ANOS1: variants seen among roughly 807,000 people sequenced by gnomAD.
ANOS1 encodes anosmin 1.
ANOS1 carries 6 observed loss-of-function variants against 59.0 expected under a neutral mutation model. The ratio of observed to expected loss-of-function variants is 0.10; its 90% confidence interval spans 0.06 to 0.20. The LOEUF (loss-of-function observed/expected upper bound fraction) is 0.20, where lower values mean the gene tolerates loss of function less well. Among genes scored for constraint, ANOS1 ranks in the 10% least tolerant of loss-of-function variants. The probability of loss-of-function intolerance (pLI) is 1.00; values close to 1 mark genes in which losing one functional copy is unlikely to be tolerated. For synonymous variants in ANOS1, 217 were observed against 223.4 expected (o/e 0.97, Z 0.25); for missense variants, 433 against 542.3 (o/e 0.80, Z 2.00).
intron 4 of ANOS1, among the ~76,000 whole-genome samples, chrX:8,596,517 C>T (rs1374921347): frequency 8.9e-6 from 1 of 111,906 alleles, no homozygotes; most frequent in Non-Finnish European, 1.9e-5. Context: ...ATAAACTGAA[C>T]CTCCATGTTT....
rs5901373 is a variant in ANOS1, at chrX:8,642,540, C to CA, written c.256-18871dup. On this transcript the variant is annotated intron_variant, in intron 2 of 13. Transcript: ENST00000262648. The stretch of plus-strand genomic sequence containing the variant: ...ATTATATTTCAAGAATGTTATTAGG[C>CA]AAAAAAAAAAAGTTTCTAAATTCAC... Among the ~76,000 whole-genome samples the CA allele has an allele frequency of 8.7e-4, 83 of 94,972 alleles. 1 individual carries two copies. The highest frequency in any genetic ancestry group is 2.7e-3 in the Admixed American group (24 of 8,757). 82.5% of individuals were successfully genotyped at this position (94,972 alleles called of 115,157 possible). A position where few individuals can be genotyped will look rare whatever the true frequency, so the allele number is the denominator to read the frequency against.
intron 1 of ANOS1, among the ~76,000 whole-genome samples, chrX:8,708,937 A>C (rs1166087753): frequency 3.6e-5 from 4 of 111,933 alleles, no homozygotes; most frequent in Non-Finnish European, 7.5e-5. Context: ...GCAGCCATAA[A>C]AAAGGATGAG....
chrX:8,647,185 C>T (rs1039000362), intron 2 of ANOS1, among the ~76,000 whole-genome samples: 3 of 110,572 alleles, frequency 2.7e-5, no homozygotes, highest in Non-Finnish European at 5.7e-5. Context: ...AGGATATTAG[C>T]AACTTCGATG....
intron 2 of ANOS1, among the ~76,000 whole-genome samples, chrX:8,646,325 G>A (rs753130772): frequency 5.4e-5 from 6 of 110,691 alleles, no homozygotes; most frequent in East Asian, 2.9e-4. Flanking sequence ...CTATCGGTGC[G>A]TGCCATCACC....
chrX:8,558,623 A>T (rs1311195466), intron 8 of ANOS1, among the ~76,000 whole-genome samples: 1 of 111,994 alleles, frequency 8.9e-6, no homozygotes, highest in Non-Finnish European at 1.9e-5. Flanking sequence ...ATAATATTAC[A>T]ATACCATTTC....
chrX:8,652,894 C>T (rs1201792148), intron 2 of ANOS1, among the ~76,000 whole-genome samples: 1 of 110,654 alleles, frequency 9.0e-6, no homozygotes, highest in East Asian at 2.8e-4. Context: ...CTTGCTCTGT[C>T]ACCCAGGTTG....
intron 2 of ANOS1, among the ~76,000 whole-genome samples, chrX:8,655,064 TGAG>T (rs1335301209): frequency 9.1e-6 from 1 of 110,007 alleles, no homozygotes; most frequent in Non-Finnish European, 1.9e-5. Context: ...ATGGACTGGG[TGAG>T]GAGGAGGAGA....
At chrX:8,622,829 T>C (rs1931316105) in intron 3 of ANOS1, among the ~76,000 whole-genome samples, 1 of 112,207 alleles carries the variant, frequency 8.9e-6, no homozygotes, top group African/African-American at 3.2e-5. Flanking sequence ...ATCTCCTTTT[T>C]TGCACTATTG....
chrX:8,625,373 A>G (rs984403404), intron 2 of ANOS1, among the ~76,000 whole-genome samples: 13 of 111,855 alleles, frequency 1.2e-4, no homozygotes, highest in African/African-American at 4.2e-4. Flanking sequence ...TATTATTTCT[A>G]TTTCATTATT....
chrX:8,600,911 C>T (rs1930828992), intron 3 of ANOS1, among the ~76,000 whole-genome samples: 1 of 112,377 alleles, frequency 8.9e-6, no homozygotes, highest in Admixed American at 9.4e-5. Context: ...TTGTATTAGG[C>T]CGGGCGTGGT....
chrX:8,573,125 T>A (rs1930262408), intron 6 of ANOS1, among the ~76,000 whole-genome samples: 2 of 104,772 alleles, frequency 1.9e-5, no homozygotes, highest in Non-Finnish European at 3.9e-5. Flanking sequence ...AATGGTGTGA[T>A]CTTGGCTCGC....
intron 2 of ANOS1, among the ~76,000 whole-genome samples, chrX:8,668,322 A>C (rs1171991954): frequency 9.8e-6 from 1 of 102,472 alleles, no homozygotes; most frequent in African/African-American, 3.6e-5. Context: ...TTAGAATAAT[A>C]GTTTCTAATC....
intron 3 of ANOS1, among the ~76,000 whole-genome samples, chrX:8,617,696 G>C (rs1931199511): frequency 1.8e-5 from 2 of 110,652 alleles, no homozygotes; most frequent in South Asian, 7.8e-4. Context: ...CAGGAGAATC[G>C]CTTAAACCTG....
At chrX:8,587,741 T>C in intron 5 of ANOS1, 53 bp downstream of exon 5, 1 of 1,007,053 alleles carries the variant, frequency 9.9e-7, no homozygotes, top group Non-Finnish European at 1.4e-6. Context: ...TGCGTAGCTA[T>C]GTAGCAGACA....
chrX:8,566,976 A>C (rs766713956), intron 8 of ANOS1, among the ~76,000 whole-genome samples: 1 of 111,759 alleles, frequency 8.9e-6, no homozygotes, highest in South Asian at 3.8e-4. Flanking sequence ...AAAGGCAGCT[A>C]TGATGACGGG....
At chrX:8,534,797 A>G (rs752988550) in intron 12 of ANOS1, among the ~76,000 whole-genome samples, 7 of 111,648 alleles carry the variant, frequency 6.3e-5, no homozygotes, top group Non-Finnish European at 1.3e-4. Flanking sequence ...TAAAGTCTTC[A>G]GCTGCACATC....
intron 10 of ANOS1, among the ~76,000 whole-genome samples, chrX:8,538,745 G>A (rs1349079397): frequency 8.9e-6 from 1 of 112,303 alleles, no homozygotes; most frequent in African/African-American, 3.2e-5. Flanking sequence ...AATACAAGGA[G>A]AAACATTGCT....
At chrX:8,726,787 T>C (rs1043936994) in intron 1 of ANOS1, among the ~76,000 whole-genome samples, 1 of 112,110 alleles carries the variant, frequency 8.9e-6, no homozygotes, top group Non-Finnish European at 1.9e-5. Flanking sequence ...ATGAAGTCAC[T>C]CTCAAATGCA....
chrX:8,724,413 G>A (rs1251865864), intron 1 of ANOS1, among the ~76,000 whole-genome samples: 1 of 112,320 alleles, frequency 8.9e-6, no homozygotes, highest in Admixed American at 9.4e-5. Flanking sequence ...TAAGACCTGT[G>A]TGGGGATGGG....
Sources: gnomAD v4.1 joint callset for allele counts (sites outside exome capture counted in the v4.1 genomes callset) on GRCh38, gnomAD v4.1.1 for gene constraint, MANE v1.5 for transcripts, NCBI Gene and HGNC (gene_info 2026-07-23, HGNC 2026-07-21) for gene names.